Variants in C12orf42 observed in about 807,000 individuals in gnomAD.
C12orf42 encodes the protein uncharacterized protein C12orf42.
Under a neutral mutation model 21.6 loss-of-function variants are expected in C12orf42, and 25 were observed. That is an observed-to-expected ratio of 1.16 (90% CI 0.84 to 1.62). The LOEUF (loss-of-function observed/expected upper bound fraction) is 1.62. Among genes scored for constraint, C12orf42 ranks in the 40% most tolerant of loss-of-function variants. C12orf42 has a pLI of 0.00. For synonymous variants in C12orf42, 174 were observed against 175.0 expected (o/e 0.99, Z 0.05); for missense variants, 483 against 459.3 (o/e 1.05, Z -0.47).
At chr12:103,561,840 G>C in the C12orf42 span, among the ~76,000 whole-genome samples, 1 of 152,030 alleles carries the variant, frequency 6.6e-6, no homozygotes, top group Non-Finnish European at 1.5e-5. Context: ...GATGATCTGG[G>C]ACTTTTCAAA....
At chr12:103,365,823 T>C (rs1003108181) in intron 4 of C12orf42, among the ~76,000 whole-genome samples, 2 of 151,972 alleles carry the variant, frequency 1.3e-5, no homozygotes, top group Non-Finnish European at 2.9e-5. Context: ...AAAGAAATTG[T>C]AGTTCACATA....
intron 2 of C12orf42, among the ~76,000 whole-genome samples, chr12:103,427,138 G>GC (rs773634160): frequency 2.3e-4 from 35 of 151,908 alleles, no homozygotes; most frequent in Non-Finnish European, 3.8e-4. Context: ...TGGGCTAAAT[G>GC]CCCCAATTAA....
chr12:103,510,836 T>A, the C12orf42 span, among the ~76,000 whole-genome samples: 1 of 152,162 alleles, frequency 6.6e-6, no homozygotes. Flanking sequence ...TCTTCACCCA[T>A]CCTTAATCCC....
At chr12:103,277,014 G>C (rs1207126831) in intron 5 of C12orf42, 3 of 396,232 alleles carry the variant, frequency 7.6e-6, no homozygotes, top group Non-Finnish European at 1.5e-5. Context: ...CAATTAGATA[G>C]TATAATTATT....
chr12:103,137,849 T>C, the C12orf42 span, among the ~76,000 whole-genome samples: 2 of 152,074 alleles, frequency 1.3e-5, no homozygotes, highest in Non-Finnish European at 2.9e-5. Context: ...AGTAGAATGA[T>C]AGACATGAGA....
At chr12:103,278,155 A>G (rs535475701) in intron 4 of C12orf42, among the ~76,000 whole-genome samples, 1 of 152,280 alleles carries the variant, frequency 6.6e-6, no homozygotes, top group South Asian at 2.1e-4. Flanking sequence ...AAAACCTTAG[A>G]AAAAGGGTAC....
At chr12:103,122,101 G>C in the C12orf42 span, among the ~76,000 whole-genome samples, 1 of 152,204 alleles carries the variant, frequency 6.6e-6, no homozygotes, top group Non-Finnish European at 1.5e-5. Context: ...GTTGGGGCCA[G>C]GCTGGAGGAA....
chr12:103,520,729 A>G, the C12orf42 span, among the ~76,000 whole-genome samples: 1 of 152,310 alleles, frequency 6.6e-6, no homozygotes, highest in African/African-American at 2.4e-5. Context: ...CTTAACTGAA[A>G]TAATGGCCTG....
At chr12:103,126,220 C>T in the C12orf42 span, among the ~76,000 whole-genome samples, 1 of 152,122 alleles carries the variant, frequency 6.6e-6, no homozygotes, top group Non-Finnish European at 1.5e-5. Context: ...AAGGCCAGGT[C>T]CCATTAGTAC....
the C12orf42 span, among the ~76,000 whole-genome samples, chr12:103,135,319 A>G: frequency 6.6e-6 from 1 of 152,036 alleles, no homozygotes; most frequent in Admixed American, 6.6e-5. Context: ...TTAGCCGGGC[A>G]TGGTGGCAGG....
the C12orf42 span, among the ~76,000 whole-genome samples, chr12:103,112,937 A>G: frequency 6.6e-6 from 1 of 152,216 alleles, no homozygotes; most frequent in South Asian, 2.1e-4. Flanking sequence ...TTTACTGGTC[A>G]TGTAATCTTG....
intron 2 of C12orf42, among the ~76,000 whole-genome samples, chr12:103,471,086 T>C (rs139340514): frequency 1.1e-3 from 170 of 152,300 alleles, no homozygotes; most frequent in African/African-American, 3.7e-3. Context: ...AGAGGTGAAA[T>C]AGATCATGTC....
At chr12:103,470,170 C>T (rs771445977) in intron 2 of C12orf42, among the ~76,000 whole-genome samples, 6 of 152,264 alleles carry the variant, frequency 3.9e-5, no homozygotes, top group Admixed American at 1.3e-4. Flanking sequence ...AATGGAGAGG[C>T]GGAGGAGACT....
chr12:103,394,527 T>C (rs902279095), intron 3 of C12orf42, among the ~76,000 whole-genome samples: 9 of 152,256 alleles, frequency 5.9e-5, no homozygotes, highest in Non-Finnish European at 1.3e-4. Flanking sequence ...GTCTCCGCTA[T>C]GCTAATAATT....
At chr12:103,072,963 G>A in the C12orf42 span, among the ~76,000 whole-genome samples, 1 of 152,090 alleles carries the variant, frequency 6.6e-6, no homozygotes, top group Non-Finnish European at 1.5e-5. Context: ...TAATAAACAC[G>A]TGGTACATAT....
intron 4 of C12orf42, among the ~76,000 whole-genome samples, chr12:103,359,855 G>A (rs1011807155): frequency 1.3e-5 from 2 of 151,736 alleles, no homozygotes; most frequent in Admixed American, 1.3e-4. Context: ...ACAGGTGATC[G>A]ATTTTTCTTT....
the C12orf42 span, among the ~76,000 whole-genome samples, chr12:103,122,340 T>A: frequency 6.6e-6 from 1 of 152,220 alleles, no homozygotes; most frequent in Admixed American, 6.5e-5. Flanking sequence ...TGCAGAGCAA[T>A]AGGCTTTCTG....
chr12:103,368,985 T>TA lies in C12orf42; in HGVS notation c.160dup (p.Tyr54LeufsTer2), dbSNP rs1755130495. 2 of 1,583,826 alleles carry TA rather than the reference T, an allele frequency of 1.3e-6. No homozygotes were observed. Among genetic ancestry groups the TA allele is most frequent in the Admixed American group, 3.5e-5 (2 of 57,328 alleles). On this transcript the variant is annotated frameshift_variant, in exon 4 of 6. Coordinates refer to ENST00000548883, the MANE Select transcript of C12orf42 (RefSeq NM_198521.5). LOFTEE classifies it high-confidence loss of function. ...GGAGCAGGGTACTGAAGTTCTTTCA[T>TA]AACAAGGGATGTGCTGTAAGATAGA...
the C12orf42 span, among the ~76,000 whole-genome samples, chr12:103,086,083 C>G: frequency 6.6e-6 from 1 of 152,080 alleles, no homozygotes; most frequent in African/African-American, 2.4e-5. Context: ...ACATTCACTC[C>G]TTTTTAATGA....
Sources: gnomAD v4.1 joint callset for allele counts (sites outside exome capture counted in the v4.1 genomes callset) on GRCh38, gnomAD v4.1.1 for gene constraint, MANE v1.5 for transcripts, NCBI Gene and HGNC (gene_info 2026-07-23, HGNC 2026-07-21) for gene names.